The following RAD51B variants were observed in gnomAD, a reference collection of about 807,000 sequenced individuals.
RAD51B encodes DNA repair protein RAD51 homolog 2.
A neutral mutation model predicts 42.2 loss-of-function variants in RAD51B; 38 were observed. That is an observed-to-expected ratio of 0.90 (90% CI 0.70 to 1.18). The LOEUF is 1.18. RAD51B is among the 50% of genes most tolerant of loss of function. The pLI is 0.00. For missense variants in RAD51B, 373 were observed against 400.7 expected (o/e 0.93, Z 0.59); for synonymous variants, 154 against 145.2 (o/e 1.06, Z -0.43).
intron 10 of RAD51B, among the ~76,000 whole-genome samples, chr14:68,550,798 G>A (rs985550925): frequency 3.3e-5 from 5 of 152,152 alleles, no homozygotes; most frequent in African/African-American, 1.2e-4. Flanking sequence ...GAAAGGCAGG[G>A]GTGGGGGATG....
intron 10 of RAD51B, among the ~76,000 whole-genome samples, chr14:68,490,905 G>A (rs895414302): frequency 1.3e-5 from 2 of 152,140 alleles, no homozygotes; most frequent in Non-Finnish European, 1.5e-5. Context: ...ATAAGCAATG[G>A]GAGGCCTCCT....
chr14:68,220,835 T>A (rs1017879937), intron 7 of RAD51B, among the ~76,000 whole-genome samples: 4 of 152,012 alleles, frequency 2.6e-5, no homozygotes, highest in African/African-American at 9.7e-5. Flanking sequence ...GAGAATCAAA[T>A]CAAGAACTCA....
intron 11 of RAD51B, among the ~76,000 whole-genome samples, chr14:68,681,954 G>A (rs762541612): frequency 7.9e-5 from 12 of 152,140 alleles, no homozygotes; most frequent in Admixed American, 2.6e-4. Context: ...CTTGGGCACC[G>A]TGTACACTGC....
chr14:68,089,952 T>G (rs2077062068), intron 7 of RAD51B, among the ~76,000 whole-genome samples: 1 of 152,154 alleles, frequency 6.6e-6, no homozygotes, highest in African/African-American at 2.4e-5. Flanking sequence ...TAAATTATAT[T>G]ATTTTAGATT....
intron 8 of RAD51B, among the ~76,000 whole-genome samples, chr14:68,303,478 A>G (rs1417581116): frequency 6.7e-6 from 1 of 149,910 alleles, no homozygotes; most frequent in African/African-American, 2.5e-5. Context: ...AAAAAAAAAG[A>G]AAAGAAAAAG....
At chr14:68,667,433 G>T in intron 11 of RAD51B, among the ~76,000 whole-genome samples, 1 of 128,240 alleles carries the variant, frequency 7.8e-6, no homozygotes, top group Admixed American at 7.9e-5. Context: ...GGTTGTAAAT[G>T]TTGACTTTAT....
chr14:67,951,201 A>G (rs964246449), intron 7 of RAD51B, among the ~76,000 whole-genome samples: 2 of 152,216 alleles, frequency 1.3e-5, no homozygotes, highest in African/African-American at 2.4e-5. Flanking sequence ...AAAGACCACA[A>G]TATATGTGAA....
chr14:68,428,606 T>A (rs539086942), intron 9 of RAD51B, among the ~76,000 whole-genome samples: 16 of 151,242 alleles, frequency 1.1e-4, no homozygotes, highest in South Asian at 8.3e-4. Flanking sequence ...TTTAGATACC[T>A]CGTAAGTGGA....
intron 7 of RAD51B, among the ~76,000 whole-genome samples, chr14:68,074,301 G>C (rs2076799037): frequency 6.6e-6 from 1 of 152,060 alleles, no homozygotes; most frequent in Admixed American, 6.6e-5. Flanking sequence ...TCTTTTCTCA[G>C]CCTTGTCTAT....
Position 68,409,067 on chromosome 14 carries a change from G to T in RAD51B, c.854-2357G>T, listed in dbSNP as rs565288930. On this transcript the variant is annotated intron_variant, in intron 8 of 10. Transcript: ENST00000471583. Reference sequence around the variant, plus strand: ...GTGGGTGTGGGATTTCTTTTTAGGGGTTTGAAATGTTCTAAAGTTAATTGT... The same window carrying T: ...GTGGGTGTGGGATTTCTTTTTAGGGTTTTGAAATGTTCTAAAGTTAATTGT... Among the ~76,000 whole-genome samples, 212 of 152,288 alleles carry T rather than the reference G, an allele frequency of 1.4e-3. 1 individual carries two copies. The highest frequency in any genetic ancestry group is 4.9e-3 in the African/African-American group (204 of 41,562).
chr14:68,562,182 T>C (rs761255211), intron 10 of RAD51B: 1 of 985,326 alleles, frequency 1.0e-6, no homozygotes, highest in African/African-American at 1.7e-5. Context: ...ACGCATCAAA[T>C]TTTCTCTCCA....
chr14:68,002,578 G>T (rs779175566), intron 7 of RAD51B, among the ~76,000 whole-genome samples: 10 of 152,068 alleles, frequency 6.6e-5, no homozygotes, highest in African/African-American at 9.7e-5. Flanking sequence ...ATTGCTTTTG[G>T]CATCTTCATC....
chr14:67,825,555 C>T lies in RAD51B; in HGVS notation c.176C>T (p.Ala59Val). ...GAACTTCTATGTATGGTCAGCAGGG[C>T]CTGTGCCCCAAAGATGCAAACGGTA... Reference protein sequence around the residue: ...VHELLCMVSRACAPKMQTAYG... With the variant: ...VHELLCMVSRVCAPKMQTAYG... Residue 59 changes from alanine to valine, a missense_variant, in exon 3 of 11, where the codon GCC becomes GTC. Coordinates refer to ENST00000471583, the MANE Select transcript of RAD51B (RefSeq NM_133510.4). 6.2e-7 allele frequency: 1 copy of T among 1,609,670 alleles called. No individual in the cohort carries two copies. Among genetic ancestry groups the T allele is most frequent in the Non-Finnish European group, 8.5e-7 (1 of 1,177,360 alleles).
At chr14:67,832,358 A>C (rs1036505302) in intron 3 of RAD51B, among the ~76,000 whole-genome samples, 2 of 152,264 alleles carry the variant, frequency 1.3e-5, no homozygotes, top group Admixed American at 1.3e-4. Context: ...TATAGTATAC[A>C]TGCCAATTTT....
intron 8 of RAD51B, among the ~76,000 whole-genome samples, chr14:68,400,638 A>G (rs552610301): frequency 5.9e-5 from 9 of 152,342 alleles, no homozygotes; most frequent in African/African-American, 2.2e-4. Flanking sequence ...TGAGGATTTC[A>G]TGGTGAACAG....
At chr14:68,191,845 C>T (rs1237991843) in intron 7 of RAD51B, among the ~76,000 whole-genome samples, 1 of 152,194 alleles carries the variant, frequency 6.6e-6, no homozygotes, top group Non-Finnish European at 1.5e-5. Context: ...CCATGGCAGG[C>T]AGTAAAGTTA....
At chr14:68,087,988 T>G (rs2077024023) in intron 7 of RAD51B, among the ~76,000 whole-genome samples, 1 of 129,378 alleles carries the variant, frequency 7.7e-6, no homozygotes, top group Admixed American at 9.2e-5. Context: ...AATTATATAA[T>G]ATATTATTAT....
intron 7 of RAD51B, among the ~76,000 whole-genome samples, chr14:68,015,167 T>C (rs976884287): frequency 1.3e-5 from 2 of 152,254 alleles, no homozygotes; most frequent in Non-Finnish European, 2.9e-5. Flanking sequence ...AAACATTAAA[T>C]GATTAAATAT....
At chr14:68,431,335 C>T (rs1431742389) in intron 9 of RAD51B, among the ~76,000 whole-genome samples, 3 of 151,974 alleles carry the variant, frequency 2.0e-5, no homozygotes, top group Admixed American at 2.0e-4. Context: ...GGTACCAGCT[C>T]CTTCTTGTAC....
Sources: allele counts gnomAD v4.1 joint callset (sites outside exome capture counted in the v4.1 genomes callset), GRCh38; gene constraint gnomAD v4.1.1; transcripts MANE v1.5; gene names NCBI Gene and HGNC (gene_info 2026-07-23, HGNC 2026-07-21).